GABRG3: variants seen among roughly 807,000 people sequenced by gnomAD.
GABRG3 encodes gamma-aminobutyric acid receptor subunit gamma-3.
A neutral mutation model predicts 48.8 loss-of-function variants in GABRG3; 25 were observed. The ratio of observed to expected loss-of-function variants is 0.51; its 90% CI spans 0.37 to 0.72. GABRG3 has a LOEUF of 0.72. Among genes scored for constraint, GABRG3 ranks in the 30% least tolerant of loss-of-function variants. The pLI is 0.00. For missense variants in GABRG3, 394 were observed against 577.9 expected, an observed-to-expected ratio of 0.68 and a Z score of 3.26; for synonymous variants, 227 against 217.6, an observed-to-expected ratio of 1.04 and a Z score of -0.38.
chr15:26,977,204 G>A, intron 2 of GABRG3, 54 bp downstream of exon 2: 1 of 1,552,368 alleles, frequency 6.4e-7, no homozygotes. Flanking sequence ...GTGATATGAA[G>A]TTTTTACTTT....
Position 27,538,488 on chromosome 15 carries a change from A to G in GABRG3, c.*5607A>G, listed in dbSNP as rs1308550318. On this transcript the variant is annotated 3_prime_UTR_variant, in exon 10 of 10. Coordinates refer to ENST00000615808, the MANE Select transcript of GABRG3 (RefSeq NM_033223.5). ...GGTGAACGTAAATTGCTTTGCTTGAACAATTGAGATAATCACCTACTTTCG... is the reference window on the plus strand; with the variant it reads ...GGTGAACGTAAATTGCTTTGCTTGAGCAATTGAGATAATCACCTACTTTCG... 6.6e-6 allele frequency: 1 copy of G among 152,208 alleles called. No homozygotes were observed. Among genetic ancestry groups the G allele is most frequent in the Admixed American group, 6.5e-5 (1 of 15,286 alleles). The allele number at this position is 152,208 out of a possible 1,614,324, so 9.4% of individuals were successfully genotyped here.
chr15:27,316,387 C>CAAAAAA (rs749930128), intron 3 of GABRG3, among the ~76,000 whole-genome samples: 4 of 41,628 alleles, frequency 9.6e-5, no homozygotes, highest in Admixed American at 2.3e-4. Context: ...GACTCCGTCT[C>CAAAAAA]AAAAAAAAAA....
intron 5 of GABRG3, among the ~76,000 whole-genome samples, chr15:27,459,691 A>C (rs149568125): frequency 6.6e-6 from 1 of 152,350 alleles, no homozygotes; most frequent in East Asian, 1.9e-4. Flanking sequence ...AACTTGATCA[A>C]AGTGAAAATT....
At chr15:27,409,314 T>C (rs1887730016) in intron 5 of GABRG3, among the ~76,000 whole-genome samples, 1 of 152,150 alleles carries the variant, frequency 6.6e-6, no homozygotes, top group African/African-American at 2.4e-5. Context: ...GGGCTATGAA[T>C]GTCCAATTTT....
At chr15:27,207,507 A>G (rs1401855760) in intron 3 of GABRG3, among the ~76,000 whole-genome samples, 1 of 152,224 alleles carries the variant, frequency 6.6e-6, no homozygotes, top group Non-Finnish European at 1.5e-5. Flanking sequence ...TGTAGGTACC[A>G]TTAATCCTAA....
At chr15:27,512,223 AATATT>A (rs532679153) in intron 6 of GABRG3, among the ~76,000 whole-genome samples, 5 of 152,202 alleles carry the variant, frequency 3.3e-5, no homozygotes, top group Non-Finnish European at 5.9e-5. Context: ...ATATTGCAAT[AATATT>A]ATATTGTATT....
chr15:27,044,663 G>A (rs1896332656), intron 3 of GABRG3, among the ~76,000 whole-genome samples: 1 of 152,224 alleles, frequency 6.6e-6, no homozygotes, highest in Non-Finnish European at 1.5e-5. Flanking sequence ...CATGAAGGGG[G>A]CAGGCCCTAG....
chr15:27,308,570 CATA>C lies in GABRG3; in HGVS notation c.271-18236_271-18234del, dbSNP rs1173561883. ...ATGTAAACATACATGTTTATATAAACATAATGTAAACATACATTTATATATAAA... is the reference window on the plus strand; with the variant it reads ...ATGTAAACATACATGTTTATATAAACATGTAAACATACATTTATATATAAA... On this transcript the variant is annotated intron_variant, in intron 3 of 9. Transcript: ENST00000615808. Among the ~76,000 whole-genome samples the C allele has an allele frequency of 2.7e-5, 4 of 146,450 alleles. No individual in the cohort carries two copies. The South Asian group carries it at 6.7e-4, about 25-fold the overall frequency.
chr15:27,027,232 T>C (rs1896000588), intron 3 of GABRG3, among the ~76,000 whole-genome samples: 1 of 152,188 alleles, frequency 6.6e-6, no homozygotes, highest in Non-Finnish European at 1.5e-5. Context: ...TCAAGAACTA[T>C]TGGATGTGAA....
chr15:27,042,464 C>T (rs773109497), intron 3 of GABRG3, among the ~76,000 whole-genome samples: 1 of 152,234 alleles, frequency 6.6e-6, no homozygotes, highest in Non-Finnish European at 1.5e-5. Flanking sequence ...GGCCAAGGGG[C>T]CTGGCGGCCC....
chr15:27,073,166 C>T (rs1566927572), intron 3 of GABRG3, among the ~76,000 whole-genome samples: 1 of 152,188 alleles, frequency 6.6e-6, no homozygotes, highest in Non-Finnish European at 1.5e-5. Flanking sequence ...AGAATCCTCT[C>T]TAGAAACTCC....
chr15:27,392,794 A>G (rs1166285464), intron 5 of GABRG3, among the ~76,000 whole-genome samples: 3 of 152,208 alleles, frequency 2.0e-5, no homozygotes, highest in Non-Finnish European at 4.4e-5. Context: ...TATTTATTTT[A>G]TACTCTGGGT....
chr15:27,310,654 T>C (rs1202550697), intron 3 of GABRG3, among the ~76,000 whole-genome samples: 1 of 152,186 alleles, frequency 6.6e-6, no homozygotes, highest in Non-Finnish European at 1.5e-5. Context: ...AATATGTAGA[T>C]GACCAGAAAT....
chr15:27,058,298 A>C (rs1332079053), intron 3 of GABRG3, among the ~76,000 whole-genome samples: 2 of 152,220 alleles, frequency 1.3e-5, no homozygotes, highest in Non-Finnish European at 2.9e-5. Flanking sequence ...AAGAGTCCAC[A>C]CCAGGCTATC....
intron 3 of GABRG3, among the ~76,000 whole-genome samples, chr15:27,162,512 T>C (rs741123): frequency 0.55 from 83,792 of 151,952 alleles, 23,769 homozygotes; most frequent in African/African-American, 0.68. Context: ...GTAGTGGCAC[T>C]TTTTTGACTT....
chr15:27,023,812 A>G (rs1895939572), intron 2 of GABRG3, among the ~76,000 whole-genome samples: 1 of 152,194 alleles, frequency 6.6e-6, no homozygotes, highest in Admixed American at 6.5e-5. Flanking sequence ...CTTTGGGTGT[A>G]TACCCAGAAG....
intron 6 of GABRG3, among the ~76,000 whole-genome samples, chr15:27,501,647 C>T (rs1286421826): frequency 2.6e-5 from 4 of 152,178 alleles, no homozygotes; most frequent in Admixed American, 6.5e-5. Flanking sequence ...TTAGGACACA[C>T]GATCTGAGCG....
chr15:27,527,714 A>C (rs1362652012), intron 8 of GABRG3, 85 bp downstream of exon 8: 25 of 1,288,558 alleles, frequency 1.9e-5, no homozygotes, highest in Non-Finnish European at 2.6e-5. Context: ...TTGTATTCCT[A>C]AGGATCGTAC....
chr15:27,464,563 C>T (rs529160717), intron 5 of GABRG3, among the ~76,000 whole-genome samples: 3 of 152,198 alleles, frequency 2.0e-5, no homozygotes, highest in Non-Finnish European at 4.4e-5. Context: ...AAAGTGGCTT[C>T]ACCATTTTGC....
Sources: gnomAD v4.1 joint callset for allele counts (sites outside exome capture counted in the v4.1 genomes callset) on GRCh38, gnomAD v4.1.1 for gene constraint, MANE v1.5 for transcripts, NCBI Gene and HGNC (gene_info 2026-07-23, HGNC 2026-07-21) for gene names.